MYO3B: variants seen among roughly 807,000 people sequenced by gnomAD.
MYO3B encodes the protein myosin-IIIb.
In MYO3B, 156 loss-of-function variants were observed where a neutral mutation model predicts 174.6. That is an observed-to-expected ratio of 0.89 (90% CI 0.78 to 1.02). The LOEUF (loss-of-function observed/expected upper bound fraction) is 1.02. Ranked by LOEUF, MYO3B falls within the 50% of genes least tolerant of loss-of-function variation. The pLI is 0.00. For missense variants in MYO3B, 1,632 were observed against 1,639.4 expected (o/e 1.00, Z 0.08); for synonymous variants, 563 against 569.1 (o/e 0.99, Z 0.15).
intron 6 of MYO3B, among the ~76,000 whole-genome samples, chr2:170,231,570 C>A (rs1259954867): frequency 6.6e-6 from 1 of 152,206 alleles, no homozygotes; most frequent in Admixed American, 6.5e-5. Context: ...CGTAAGTTTG[C>A]ATTTCAAGGT....
chr2:170,506,321 G>T (rs1011715000), intron 28 of MYO3B, among the ~76,000 whole-genome samples: 3 of 152,196 alleles, frequency 2.0e-5, no homozygotes, highest in Non-Finnish European at 4.4e-5. Context: ...TCAGTGCAAG[G>T]TTTTCTCCTA....
intron 32 of MYO3B, among the ~76,000 whole-genome samples, chr2:170,649,168 A>T (rs1422000025): frequency 6.4e-5 from 4 of 62,394 alleles, no homozygotes; most frequent in African/African-American, 3.6e-4. Flanking sequence ...AATAATATAT[A>T]ATATATTATA....
chr2:170,559,977 C>G (rs1691599013), intron 32 of MYO3B, among the ~76,000 whole-genome samples: 1 of 152,112 alleles, frequency 6.6e-6, no homozygotes, highest in South Asian at 2.1e-4. Context: ...TGGGTCAGGA[C>G]TTATCCAAAA....
At chr2:170,319,439 G>C (rs1377821448) in intron 7 of MYO3B, among the ~76,000 whole-genome samples, 1 of 152,098 alleles carries the variant, frequency 6.6e-6, no homozygotes, top group East Asian at 1.9e-4. Context: ...GAAAGAATTA[G>C]TGAATCTGAA....
rs144124404 is a variant in MYO3B at position 170,231,605 on chromosome 2, C to T, written c.604-4386C>T. Among the ~76,000 whole-genome samples the T allele has an allele frequency of 5.1e-3, 776 of 152,328 alleles. 1 individual carries two copies. Among genetic ancestry groups the T allele is most frequent in the Non-Finnish European group, 7.2e-3 (493 of 68,032 alleles). On this transcript the variant is annotated intron_variant, in intron 6 of 34. Transcript: ENST00000408978. ...TAGGAACCTGGACATGCTCCATTAA[C>T]CAGCTTCCAAACAATTGCTCTGTCG...
chr2:170,598,212 T>A (rs937272030), intron 32 of MYO3B, among the ~76,000 whole-genome samples: 1 of 152,236 alleles, frequency 6.6e-6, no homozygotes, highest in African/African-American at 2.4e-5. Context: ...GAAAACGCAG[T>A]GCTCCTGGAC....
At chr2:170,186,115 C>A (rs2092459345) in intron 1 of MYO3B, among the ~76,000 whole-genome samples, 1 of 152,128 alleles carries the variant, frequency 6.6e-6, no homozygotes. Flanking sequence ...ATTTGGATGC[C>A]TTTTATTTCT....
At chr2:170,476,159 G>T (rs755692307) in intron 25 of MYO3B, among the ~76,000 whole-genome samples, 2 of 152,208 alleles carry the variant, frequency 1.3e-5, no homozygotes, top group Non-Finnish European at 2.9e-5. Context: ...AGGGGAGCAC[G>T]TGGATGGACA....
intron 7 of MYO3B, among the ~76,000 whole-genome samples, chr2:170,280,343 C>T (rs7575247): frequency 6.6e-6 from 1 of 150,992 alleles, no homozygotes; most frequent in Non-Finnish European, 1.5e-5. Flanking sequence ...GTTTAAATTT[C>T]TTATAGATGC....
chr2:170,628,419 G>T (rs1274904746), intron 32 of MYO3B, among the ~76,000 whole-genome samples: 1 of 152,204 alleles, frequency 6.6e-6, no homozygotes, highest in Non-Finnish European at 1.5e-5. Context: ...GGGTGGGAGT[G>T]ACCCGATTTT....
At position 170,463,499 on chromosome 2, in the gene MYO3B, G is replaced by T; in HGVS notation, c.2808+54G>T. 7 of 1,495,004 alleles carry T rather than the reference G, an allele frequency of 4.7e-6. No homozygotes were observed. In the South Asian group the frequency reaches 8.2e-5, roughly 17 times the overall value. 92.6% of individuals were successfully genotyped at this position (1,495,004 alleles called of 1,614,324 possible). ...CCTGCTTCCAAAAAGGACTGTCTAA[G>T]CCTTCTTATGAGATGCCCAGATGGA... On this transcript the variant is annotated intron_variant, in intron 24 of 34. Transcript: ENST00000408978.
chr2:170,411,226 T>C lies in MYO3B; in HGVS notation c.2650+3382T>C, dbSNP rs375459233. ...GCAGGTAACATTCCCTTCATTAGTA[T>C]ATATCAAAAAAAGTATAGTCATGCA... is the stretch of plus-strand genomic sequence containing the variant. On this transcript the variant is annotated intron_variant, in intron 22 of 34. Transcript: ENST00000408978. Among the ~76,000 whole-genome samples the C allele has an allele frequency of 9.3e-4, 142 of 152,234 alleles. 1 individual carries two copies. The highest frequency in any genetic ancestry group is 3.3e-3 in the African/African-American group (137 of 41,526).
chr2:170,354,096 A>G (rs910368301), intron 8 of MYO3B, among the ~76,000 whole-genome samples: 1 of 152,232 alleles, frequency 6.6e-6, no homozygotes, highest in African/African-American at 2.4e-5. Flanking sequence ...GCAACATAGT[A>G]TGTACAGTTG....
intron 32 of MYO3B, among the ~76,000 whole-genome samples, chr2:170,614,535 C>G (rs910545690): frequency 1.3e-5 from 2 of 152,176 alleles, no homozygotes; most frequent in Non-Finnish European, 2.9e-5. Flanking sequence ...CTCTCACCAG[C>G]ACTTACTCCT....
At chr2:170,395,495 T>C (rs2094438036) in intron 16 of MYO3B, among the ~76,000 whole-genome samples, 1 of 152,130 alleles carries the variant, frequency 6.6e-6, no homozygotes, top group South Asian at 2.1e-4. Flanking sequence ...TTCCCTTTCT[T>C]CAAAATAGAT....
intron 14 of MYO3B, among the ~76,000 whole-genome samples, chr2:170,391,105 C>A (rs2094408823): frequency 1.3e-5 from 2 of 152,122 alleles, no homozygotes; most frequent in African/African-American, 2.4e-5. Flanking sequence ...TGCTCCCTAA[C>A]CTGCTGTGAG....
chr2:170,370,624 T>TACACACACACACAC (rs55790344), intron 9 of MYO3B, among the ~76,000 whole-genome samples: 1 of 129,466 alleles, frequency 7.7e-6, no homozygotes, highest in Admixed American at 7.8e-5. Flanking sequence ...ACCACCCACC[T>TACACACACACACAC]ACACACACAC....
intron 32 of MYO3B, among the ~76,000 whole-genome samples, chr2:170,604,244 T>C (rs1694683264): frequency 6.6e-6 from 1 of 152,202 alleles, no homozygotes; most frequent in African/African-American, 2.4e-5. Flanking sequence ...GTAAATATGC[T>C]CACATTTGAG....
At chr2:170,623,022 G>A (rs532583518) in intron 32 of MYO3B, among the ~76,000 whole-genome samples, 5 of 152,098 alleles carry the variant, frequency 3.3e-5, no homozygotes, top group East Asian at 1.9e-4. Flanking sequence ...GAGTAGTGCC[G>A]CAGTAAACAT....
Sources: gnomAD v4.1 joint callset for allele counts (sites outside exome capture counted in the v4.1 genomes callset) on GRCh38, gnomAD v4.1.1 for gene constraint, MANE v1.5 for transcripts, NCBI Gene and HGNC (gene_info 2026-07-23, HGNC 2026-07-21) for gene names.